Variants in CIITA observed in about 807,000 individuals in gnomAD.
The protein encoded by CIITA is class II major histocompatibility complex transactivator.
Under a neutral mutation model 115.1 loss-of-function variants are expected in CIITA, and 72 were observed. That is an observed-to-expected ratio of 0.63 (90% CI 0.52 to 0.76). CIITA has a LOEUF of 0.76. Among genes scored for constraint, CIITA ranks in the 30% least tolerant of loss-of-function variants. The pLI, the probability that CIITA is intolerant of heterozygous loss-of-function variation, is 0.00. For synonymous variants in CIITA, 763 were observed against 635.6 expected (o/e 1.20, Z -3.02); for missense variants, 1,617 against 1,463.8 (o/e 1.10, Z -1.71).
chr16:10,921,399 C>A (rs796301831), intron 16 of CIITA, among the ~76,000 whole-genome samples: 13 of 152,300 alleles, frequency 8.5e-5, no homozygotes, highest in African/African-American at 2.4e-4. Context: ...TCTCTTCCTG[C>A]CCCCAGTGCT....
At chr16:10,904,865 C>G (rs1567412137) in intron 10 of CIITA, 53 bp downstream of exon 10, 5 of 1,577,128 alleles carry the variant, frequency 3.2e-6, no homozygotes, top group Non-Finnish European at 2.6e-6. Context: ...AAGCCCATAT[C>G]TGGCTTCACA....
At chr16:10,918,610 G>A in intron 16 of CIITA, 84 bp downstream of exon 16, 1 of 1,173,088 alleles carries the variant, frequency 8.5e-7, no homozygotes, top group South Asian at 1.3e-5. Flanking sequence ...GGCTGCAGGG[G>A]ACACTGAGAC....
rs1440895699 is a variant in CIITA at position 10,929,108 on chromosome 16, C to T, written c.*5253C>T. The T allele has an allele frequency of 3.0e-6, 2 of 663,940 alleles. No individual in the cohort carries two copies. The highest frequency in any genetic ancestry group is 3.9e-5 in the African/African-American group (2 of 50,798). The allele number at this position is 663,940 out of a possible 1,614,324, so 41.1% of individuals were successfully genotyped here. ...AAGGAGCGAGAATCCCACCCTCAGC[C>T]CCCCAACAGCTTCCTCAGCTTCTTT... On this transcript the variant is annotated 3_prime_UTR_variant, in exon 20 of 20. Coordinates refer to ENST00000324288, the MANE Select transcript of CIITA (RefSeq NM_000246.4). This position sits in a 1 kb window ranked among gnomAD's most constrained non-coding sequence, Gnocchi z 4.3.
At chr16:10,875,442 C>G (rs1479999786), upstream of CIITA, among the ~76,000 whole-genome samples, 2 of 152,114 alleles carry the variant, frequency 1.3e-5, no homozygotes, top group Non-Finnish European at 2.9e-5. Context: ...TCATTTCACA[C>G]ATGGGGAAAC....
chr16:10,881,645 A>T (rs1441138929), intron 1 of CIITA, among the ~76,000 whole-genome samples: 1 of 152,220 alleles, frequency 6.6e-6, no homozygotes, highest in African/African-American at 2.4e-5. Flanking sequence ...TGGAAAAAAA[A>T]GTTTTCTTTT....
chr16:10,890,545 C>T (rs1441499052), intron 1 of CIITA, among the ~76,000 whole-genome samples: 1 of 152,184 alleles, frequency 6.6e-6, no homozygotes, highest in East Asian at 1.9e-4. Flanking sequence ...CCTTGGACTC[C>T]CAAAGTGCTG....
Position 10,907,685 on chromosome 16 carries a change from G to A in CIITA, c.2193G>A (p.Lys731=). Residue 731 remains lysine (K), a synonymous_variant, in exon 11 of 20, where the codon AAG becomes AAA. Coordinates refer to ENST00000324288, the MANE Select transcript of CIITA (RefSeq NM_000246.4). The surrounding 1 kb of genome is among the most constrained non-coding windows in gnomAD (Gnocchi z 5.0). ...WLALSGEIKD[K]ELPQYLALTP... ...CTCTGAGTGGCGAAATCAAGGACAA[G>A]GAGCTCCCGCAGTACCTAGCATTGA... The A allele has an allele frequency of 6.2e-7, 1 of 1,614,212 alleles. No individual in the cohort carries two copies. Among genetic ancestry groups the A allele is most frequent in the Non-Finnish European group, 8.5e-7 (1 of 1,180,034 alleles).
At chr16:10,938,098 A>T (rs1339510261), downstream of CIITA, 1 of 152,218 alleles carries the variant, frequency 6.6e-6, no homozygotes, top group Non-Finnish European at 1.5e-5. This position sits in a 1 kb window ranked among gnomAD's most constrained non-coding sequence, Gnocchi z 4.9. Flanking sequence ...ATGAGTGGTT[A>T]ATATTAATAC....
intron 3 of CIITA, among the ~76,000 whole-genome samples, chr16:10,898,174 C>T (rs991212310): frequency 6.6e-6 from 1 of 152,136 alleles, no homozygotes; most frequent in Admixed American, 6.5e-5. Flanking sequence ...GAGCCATGTA[C>T]CCCTTTATAT....
chr16:10,875,553 C>A (rs187873929), upstream of CIITA, among the ~76,000 whole-genome samples: 5 of 152,206 alleles, frequency 3.3e-5, no homozygotes, highest in Admixed American at 3.3e-4. Context: ...GCACACAAGT[C>A]ATGTTTCCAA....
chr16:10,884,850 G>A (rs1218179526), intron 1 of CIITA, among the ~76,000 whole-genome samples: 1 of 152,064 alleles, frequency 6.6e-6, no homozygotes, highest in African/African-American at 2.4e-5. Flanking sequence ...CCCAGGGCCA[G>A]TCCCCTCCAA....
rs2041104167 is a variant in CIITA, at chr16:10,941,673, T to C, written n.799T>C. On this transcript the variant is annotated non_coding_transcript_exon_variant, in exon 2 of 2. Transcript: ENST00000573379. The surrounding 1 kb of genome is among the most constrained non-coding windows in gnomAD (Gnocchi z 6.4). ...TGATCTGGGCGGCTGGTCCAGGGCA[T>C]GGGTTGCGGATCGTGTAGGGAAGAG... 2.6e-6 allele frequency: 4 copies of C among 1,560,718 alleles called. No individual in the cohort carries two copies. Among genetic ancestry groups the C allele is most frequent in the Admixed American group, 1.8e-5 (1 of 56,380 alleles).
Position 10,899,142 on chromosome 16 carries a change from C to A in CIITA, c.436+140C>A. 3 of 768,624 alleles carry A rather than the reference C, an allele frequency of 3.9e-6. No homozygotes were observed. In the Admixed American group the frequency reaches 6.1e-5, roughly 16 times the overall value. The allele number at this position is 768,624 out of a possible 1,614,324, so 47.6% of individuals were successfully genotyped here. On this transcript the variant is annotated intron_variant, in intron 5 of 19. Coordinates refer to ENST00000324288, the MANE Select transcript of CIITA (RefSeq NM_000246.4). Reference sequence around the variant, plus strand: ...GAGGCCCTTTAAAAGCCAACAGGAGCCTTAAAATGTACATCTGATTATTTC... The same window carrying A: ...GAGGCCCTTTAAAAGCCAACAGGAGACTTAAAATGTACATCTGATTATTTC...
chr16:10,919,952 G>A (rs908335341), intron 16 of CIITA, among the ~76,000 whole-genome samples: 1 of 152,188 alleles, frequency 6.6e-6, no homozygotes, highest in Non-Finnish European at 1.5e-5. Flanking sequence ...CTGGGGAGAT[G>A]ATTCTTCCGT....
Position 10,903,179 on chromosome 16 carries a change from T to C in CIITA, c.772+378T>C, listed in dbSNP as rs549261875. Among the ~76,000 whole-genome samples, 3 of 152,384 alleles carry C rather than the reference T, an allele frequency of 2.0e-5. No individual in the cohort carries two copies. In the East Asian group the frequency reaches 5.8e-4, roughly 29 times the overall value. ...CACTGTCTCTCTCACTCTTTTAGTA[T>C]ACTGATGTGAATAGTTTGGTGTGCA... is the stretch of plus-strand genomic sequence containing the variant. On this transcript the variant is annotated intron_variant, in intron 8 of 19. Coordinates refer to ENST00000324288, the MANE Select transcript of CIITA (RefSeq NM_000246.4).
intron 12 of CIITA, among the ~76,000 whole-genome samples, chr16:10,909,791 T>A (rs758538446): frequency 2.0e-5 from 3 of 152,170 alleles, no homozygotes; most frequent in Non-Finnish European, 4.4e-5. Flanking sequence ...TAGAATACAG[T>A]AGTGCGATCA....
In CIITA at chr16:10,902,743, T is replaced by C. The variant is rs2144584596; in HGVS notation, c.714T>C (p.His238=). Residue 238 remains histidine (H), a synonymous_variant, in exon 8 of 20, where the codon CAT becomes CAC. Coordinates refer to ENST00000324288, the MANE Select transcript of CIITA (RefSeq NM_000246.4). ...TCCCCACCATCTCCACTCTGCCCCA[T>C]GGGCTCTGGCAAATCTCTGAGGCTG... The part of the protein sequence containing the change: ...QFVPTISTLP[H]GLWQISEAGT... The C allele has an allele frequency of 6.2e-7, 1 of 1,614,198 alleles. No individual in the cohort carries two copies. The highest frequency in any genetic ancestry group is 1.1e-5 in the South Asian group (1 of 91,090).
chr16:10,880,709 A>G (rs1171270870), intron 1 of CIITA, among the ~76,000 whole-genome samples: 1 of 152,216 alleles, frequency 6.6e-6, no homozygotes, highest in Non-Finnish European at 1.5e-5. Context: ...GAGCAGAATC[A>G]GAAATTAACC....
At chr16:10,899,699 C>A (rs1163160056) in intron 5 of CIITA, among the ~76,000 whole-genome samples, 7 of 152,192 alleles carry the variant, frequency 4.6e-5, no homozygotes, top group African/African-American at 1.7e-4. Flanking sequence ...TATTATGGGT[C>A]TGACCATGTG....
Sources: allele counts gnomAD v4.1 joint callset (sites outside exome capture counted in the v4.1 genomes callset), GRCh38; gene constraint gnomAD v4.1.1; non-coding constraint Gnocchi (gnomAD v3.1); transcripts MANE v1.5; gene names NCBI Gene and HGNC (gene_info 2026-07-23, HGNC 2026-07-21).